The following MYOCD variants were observed in gnomAD, a reference collection of about 807,000 sequenced individuals.
The protein encoded by MYOCD is myocardin.
MYOCD carries 32 observed loss-of-function variants against 96.1 expected under a neutral mutation model. The ratio of observed to expected loss-of-function variants is 0.33; its 90% CI spans 0.25 to 0.45. MYOCD has a LOEUF of 0.45. MYOCD is among the 20% of genes least tolerant of loss of function. The probability of loss-of-function intolerance (pLI) is 1.00; values close to 1 mark genes in which losing one functional copy is unlikely to be tolerated. For missense variants in MYOCD, 1,133 were observed against 1,200.6 expected, an observed-to-expected ratio of 0.94 and a Z score of 0.83; for synonymous variants, 469 against 469.0, an observed-to-expected ratio of 1.00 and a Z score of 0.00.
chr17:12,705,314 A>G (rs1597759966), intron 2 of MYOCD, 121 bp downstream of exon 2: 5 of 646,870 alleles, frequency 7.7e-6, no homozygotes, highest in East Asian at 2.9e-5. Context: ...TCTTCAAAGC[A>G]TTGGTATCAG....
At chr17:12,704,563 C>T (rs1461614995) in intron 1 of MYOCD, among the ~76,000 whole-genome samples, 3 of 152,150 alleles carry the variant, frequency 2.0e-5, no homozygotes, top group Non-Finnish European at 4.4e-5. Flanking sequence ...TCTCATAATA[C>T]TACCACTTAT....
At chr17:12,686,049 G>A (rs928046361) in intron 1 of MYOCD, among the ~76,000 whole-genome samples, 1 of 152,182 alleles carries the variant, frequency 6.6e-6, no homozygotes. Flanking sequence ...AGATCCCTTG[G>A]TGAGATATGC....
chr17:12,700,399 ATTTTT>A (rs952565560), intron 1 of MYOCD, among the ~76,000 whole-genome samples: 12 of 76,890 alleles, frequency 1.6e-4, no homozygotes, highest in African/African-American at 5.6e-4. Flanking sequence ...CAATGGGAGA[ATTTTT>A]TTTTTTTTTT....
rs1052786739 is a variant in MYOCD, at chr17:12,736,226, G to A, written c.481G>A (p.Gly161Arg). The A allele has an allele frequency of 1.2e-6, 2 of 1,614,198 alleles. No individual in the cohort carries two copies. The highest frequency in any genetic ancestry group is 1.7e-6 in the Non-Finnish European group (2 of 1,180,038). Residue 161 changes from glycine (G) to arginine (R), a missense_variant, in exon 6 of 14, where the codon GGG (glycine) becomes AGG (arginine). Gly to Arg is a moderately radical substitution (Grantham distance 125, BLOSUM62 -2). Transcript: ENST00000425538. Reference protein sequence around the residue: ...FAFEEDSSSDGLSPDQTRSED... With the variant: ...FAFEEDSSSDRLSPDQTRSED... ...CTTTGAAGAGGACAGCAGCAGCGAT[G>A]GGCTTTCTCCGGATCAGACTCGAAG...
intron 4 of MYOCD, among the ~76,000 whole-genome samples, chr17:12,719,867 C>CAAA (rs57652662): frequency 1.8e-4 from 15 of 82,572 alleles, no homozygotes; most frequent in East Asian, 3.6e-4. Flanking sequence ...GACTCAGTCT[C>CAAA]AAAAAAAAAA....
intron 1 of MYOCD, among the ~76,000 whole-genome samples, chr17:12,673,223 GC>G (rs1219132075): frequency 2.0e-5 from 3 of 152,076 alleles, no homozygotes; most frequent in Non-Finnish European, 4.4e-5. Flanking sequence ...GAGACTTACT[GC>G]CCTGTCTGGA....
At chr17:12,762,205 T>C (rs1446536313) in intron 13 of MYOCD, 2 of 152,286 alleles carry the variant, frequency 1.3e-5, no homozygotes, top group Non-Finnish European at 2.9e-5. Flanking sequence ...GATGATCAGG[T>C]TCCTCCAGGT....
chr17:12,666,860 A>G (rs140194421), intron 1 of MYOCD, among the ~76,000 whole-genome samples: 1 of 152,306 alleles, frequency 6.6e-6, no homozygotes, highest in African/African-American at 2.4e-5. Context: ...GCACATGGAG[A>G]AACTTCTCAA....
At chr17:12,759,244 T>C (rs1278984277) in intron 12 of MYOCD, among the ~76,000 whole-genome samples, 1 of 152,188 alleles carries the variant, frequency 6.6e-6, no homozygotes, top group Non-Finnish European at 1.5e-5. Context: ...AAGAATGTTT[T>C]AAATAACAGG....
intron 12 of MYOCD, 117 bp downstream of exon 12, chr17:12,758,330 A>G (rs1162719382): frequency 2.7e-6 from 4 of 1,464,434 alleles, no homozygotes; most frequent in Non-Finnish European, 3.7e-6. Context: ...GTCATGTGCC[A>G]TACCACCAAA....
chr17:12,687,585 A>G lies in MYOCD; in HGVS notation c.56-17543A>G, dbSNP rs187704918. Among the ~76,000 whole-genome samples the G allele has an allele frequency of 2.4e-3, 360 of 152,374 alleles. 1 individual carries two copies. Among genetic ancestry groups the G allele is most frequent in the Middle Eastern group, 0.014 (4 of 294 alleles). The stretch of plus-strand genomic sequence containing the variant: ...TCTTTCCCCAAATGATAACTTATTA[A>G]GTATATAATAAACAGAAACCATTTT... On this transcript the variant is annotated intron_variant, in intron 1 of 13. Coordinates refer to ENST00000425538, the MANE Select transcript of MYOCD (RefSeq NM_001146312.3).
At chr17:12,748,851 A>G (rs9910368) in intron 9 of MYOCD, among the ~76,000 whole-genome samples, 133,798 of 152,168 alleles carry the variant, frequency 0.88, 59,811 homozygotes, top group Middle Eastern at 0.96. Context: ...CAGCAAGACT[A>G]TAGGGTAAAT....
At chr17:12,706,411 A>G (rs1252693796) in intron 2 of MYOCD, among the ~76,000 whole-genome samples, 1 of 152,228 alleles carries the variant, frequency 6.6e-6, no homozygotes, top group African/African-American at 2.4e-5. Flanking sequence ...AGGTCTGCGG[A>G]TGTCAGATCA....
chr17:12,736,836 C>G (rs758514435), intron 6 of MYOCD, among the ~76,000 whole-genome samples: 9 of 152,214 alleles, frequency 5.9e-5, no homozygotes, highest in Non-Finnish European at 1.0e-4. Flanking sequence ...TTCTACCTAG[C>G]AAGCTGCAGC....
In MYOCD at chr17:12,768,848, A is replaced by C. The variant is rs1289756285; in HGVS notation, c.*5204A>C. On this transcript the variant is annotated 3_prime_UTR_variant, in exon 14 of 14. Transcript: ENST00000425538. ...AAGAAATGTGGGTTATTGGGAAGAGACAAAAAGCAGTGGCTAAAATACCAA... is the reference window on the plus strand; with the variant it reads ...AAGAAATGTGGGTTATTGGGAAGAGCCAAAAAGCAGTGGCTAAAATACCAA... The C allele has an allele frequency of 6.6e-6, 1 of 151,916 alleles. No homozygotes were observed. Among genetic ancestry groups the C allele is most frequent in the Non-Finnish European group, 1.5e-5 (1 of 67,974 alleles). 9.4% of individuals were successfully genotyped at this position (151,916 alleles called of 1,614,324 possible).
intron 2 of MYOCD, among the ~76,000 whole-genome samples, chr17:12,712,656 A>G (rs1038619513): frequency 2.5e-4 from 38 of 152,234 alleles, no homozygotes; most frequent in Admixed American, 1.6e-3. Flanking sequence ...AGAAATAGGA[A>G]TAGCCCACAA....
intron 4 of MYOCD, among the ~76,000 whole-genome samples, chr17:12,717,744 A>T (rs1442994203): frequency 6.6e-6 from 1 of 152,210 alleles, no homozygotes; most frequent in Non-Finnish European, 1.5e-5. Context: ...ACTAATCTGG[A>T]TCATCACTCA....
At chr17:12,689,440 G>A (rs2030331522) in intron 1 of MYOCD, among the ~76,000 whole-genome samples, 1 of 152,120 alleles carries the variant, frequency 6.6e-6, no homozygotes, top group Non-Finnish European at 1.5e-5. Context: ...TAAAGAAAAA[G>A]TAGAGACAGA....
At chr17:12,729,399 C>T (rs766539241) in intron 5 of MYOCD, among the ~76,000 whole-genome samples, 43 of 152,046 alleles carry the variant, frequency 2.8e-4, no homozygotes, top group Non-Finnish European at 4.6e-4. Flanking sequence ...CCTCTGCCGC[C>T]CTGTGAAGTA....
Sources: allele counts gnomAD v4.1 joint callset (sites outside exome capture counted in the v4.1 genomes callset), GRCh38; gene constraint gnomAD v4.1.1; transcripts MANE v1.5; gene names NCBI Gene and HGNC (gene_info 2026-07-23, HGNC 2026-07-21).